ESR2: variants seen among roughly 807,000 people sequenced by gnomAD.
The protein encoded by ESR2 is estrogen receptor beta.
ESR2 carries 36 observed loss-of-function variants against 49.6 expected under a neutral mutation model. The observed-to-expected ratio is 0.73, with a 90% CI of 0.56 to 0.96. The LOEUF (loss-of-function observed/expected upper bound fraction) is 0.96, where lower values mean the gene tolerates loss of function less well. Among genes scored for constraint, ESR2 ranks in the 40% least tolerant of loss-of-function variants. ESR2 has a pLI of 0.00. For synonymous variants in ESR2, 320 were observed against 266.1 expected (o/e 1.20, Z -1.97); for missense variants, 714 against 693.0 (o/e 1.03, Z -0.34).
chr14:64,290,471 C>T (rs1429373543), intron 1 of ESR2, among the ~76,000 whole-genome samples: 8 of 152,008 alleles, frequency 5.3e-5, no homozygotes, highest in Admixed American at 3.3e-4. Flanking sequence ...GGCATGATCG[C>T]GGCTCACTGT....
At chr14:64,282,440 C>T (rs1567775036) in intron 2 of ESR2, among the ~76,000 whole-genome samples, 184 bp downstream of exon 2, 1 of 152,188 alleles carries the variant, frequency 6.6e-6, no homozygotes, top group East Asian at 1.9e-4. Context: ...GTACACATAC[C>T]AGTTTTTAAT....
intron 7 of ESR2, 135 bp downstream of exon 7, chr14:64,249,410 TA>T: frequency 2.0e-6 from 2 of 1,021,716 alleles, no homozygotes; most frequent in Non-Finnish European, 2.8e-6. Flanking sequence ...GCTATCAAAA[TA>T]AAAACGAAGT....
At chr14:64,321,379 A>G (rs2077322902) in intron 1 of ESR2, among the ~76,000 whole-genome samples, 1 of 152,164 alleles carries the variant, frequency 6.6e-6, no homozygotes, top group Admixed American at 6.6e-5. Context: ...GCATTTGCAC[A>G]ACTTTATTAA....
chr14:64,265,641 T>C (rs2076314407), intron 4 of ESR2, among the ~76,000 whole-genome samples: 1 of 152,208 alleles, frequency 6.6e-6, no homozygotes, highest in Admixed American at 6.5e-5. Flanking sequence ...GCCAAATACA[T>C]GGCTATTCAG....
At chr14:64,309,955 G>T (rs1234157821) in intron 1 of ESR2, among the ~76,000 whole-genome samples, 1 of 151,174 alleles carries the variant, frequency 6.6e-6, no homozygotes, top group East Asian at 2.0e-4. Context: ...GCATGGTGGC[G>T]GGCGCCTGTA....
chr14:64,280,152 C>G lies in ESR2; in HGVS notation c.364G>C (p.Glu122Gln), dbSNP rs751133775. Reference sequence around the variant, plus strand: ...CCACTAACCTTCCTTTTCAGTGTCTCTCTAGGGAGCAAAGAAAATATCCAT... The same window carrying G: ...CCACTAACCTTCCTTTTCAGTGTCTGTCTAGGGAGCAAAGAAAATATCCAT... ...SLEHTLPVNR[E>Q]TLKRKVSGNR... Residue 122 changes from glutamate (E) to glutamine (Q), a missense_variant and splice_region_variant, in exon 3 of 9, where the codon GAG becomes CAG. By Grantham distance (29) the Glu-to-Gln change is conservative (BLOSUM62 2). Transcript: ENST00000341099. The G allele has an allele frequency of 1.9e-6, 3 of 1,613,194 alleles. No homozygotes were observed. Among genetic ancestry groups the G allele is most frequent in the South Asian group, 2.2e-5 (2 of 91,050 alleles).
chr14:64,271,561 G>C (rs571385723), intron 3 of ESR2, among the ~76,000 whole-genome samples: 1 of 152,174 alleles, frequency 6.6e-6, no homozygotes, highest in Non-Finnish European at 1.5e-5. Flanking sequence ...CCTGAGCTCA[G>C]GCAATCTGCC....
chr14:64,237,203 G>A (rs796898687), intron 7 of ESR2, among the ~76,000 whole-genome samples: 27 of 151,972 alleles, frequency 1.8e-4, no homozygotes, highest in Middle Eastern at 3.4e-3. Context: ...CTCGCAATCC[G>A]CCTGCCTCAG....
intron 1 of ESR2, among the ~76,000 whole-genome samples, chr14:64,299,610 C>T (rs1452116757): frequency 6.6e-6 from 1 of 152,146 alleles, no homozygotes; most frequent in East Asian, 1.9e-4. Flanking sequence ...GATCCACCCG[C>T]CTCCGCCTCC....
chr14:64,317,957 C>T (rs1405432556), intron 1 of ESR2, among the ~76,000 whole-genome samples: 2 of 152,116 alleles, frequency 1.3e-5, no homozygotes, highest in Non-Finnish European at 2.9e-5. Context: ...GATATCCATG[C>T]TTATTGTTCT....
At position 64,246,734 on chromosome 14, in the gene ESR2, CAAAAAAAAAAAAAAAAAA is replaced by C. The variant is rs71123836; in HGVS notation, c.1225+2794_1225+2811del. 6.9e-4 allele frequency among the ~76,000 whole-genome samples: 25 copies of C among 36,456 alleles called. 1 individual carries two copies. The highest frequency in any genetic ancestry group is 2.9e-3 in the African/African-American group (23 of 7,864). 23.9% of individuals were successfully genotyped at this position (36,456 alleles called of 152,430 possible). On this transcript the variant is annotated intron_variant, in intron 7 of 8. Coordinates refer to ENST00000341099, the MANE Select transcript of ESR2 (RefSeq NM_001437.3). ...CCTGGCCAACACAGGAAGACTCTGTCAAAAAAAAAAAAAAAAAAAAAAAAAAAAAAAAACACACCTGGC... is the reference window on the plus strand; with the variant it reads ...CCTGGCCAACACAGGAAGACTCTGTCAAAAAAAAAAAAAAACACACCTGGC...
chr14:64,320,413 T>C (rs566546396), intron 1 of ESR2, among the ~76,000 whole-genome samples: 4 of 150,284 alleles, frequency 2.7e-5, no homozygotes, highest in South Asian at 2.1e-4. Flanking sequence ...AAAAAAAAAG[T>C]TGTGGTTGCC....
rs8003034 is a variant in ESR2, at chr14:64,240,997, T to C, written c.1226-5847A>G. 1.3e-5 allele frequency among the ~76,000 whole-genome samples: 2 copies of C among 150,954 alleles called. 1 individual carries two copies. The highest frequency in any genetic ancestry group is 4.2e-4 in the South Asian group (2 of 4,778). ...GTCTCTACTAAAAATACAAAAAAAA[T>C]TAGCCGGGCGTGATGGTGGGCGCCT... On this transcript the variant is annotated intron_variant, in intron 7 of 8. Coordinates refer to ENST00000341099, the MANE Select transcript of ESR2 (RefSeq NM_001437.3).
chr14:64,249,666 A>C lies in ESR2; in HGVS notation c.1105T>G (p.Cys369Gly). Residue 369 changes from cysteine to glycine, a missense_variant, in exon 7 of 9, where the codon TGC becomes GGC. Coordinates refer to ENST00000341099, the MANE Select transcript of ESR2 (RefSeq NM_001437.3). ...DLVLDRDEGK[C>G]VEGILEIFDM... ...AAGATTTCCAGAATTCCTTCTACGC[A>C]TTTCCCCTCATCCCTACAAAAGTTC... 1 of 1,613,318 alleles carries C rather than the reference A, an allele frequency of 6.2e-7. No homozygotes were observed. Among genetic ancestry groups the C allele is most frequent in the Non-Finnish European group, 8.5e-7 (1 of 1,179,592 alleles).
intron 3 of ESR2, among the ~76,000 whole-genome samples, chr14:64,275,530 C>A (rs2076541606): frequency 6.6e-6 from 1 of 151,946 alleles, no homozygotes; most frequent in Non-Finnish European, 1.5e-5. Flanking sequence ...TGGTGAAACC[C>A]CATCTCTACT....
chr14:64,257,537 C>T (rs2076129213), intron 5 of ESR2, 173 bp from the exon 6 acceptor site: 5 of 784,448 alleles, frequency 6.4e-6, no homozygotes, highest in Non-Finnish European at 9.9e-6. Flanking sequence ...TGAAGTTAAG[C>T]TGCGCAACTT....
chr14:64,299,399 C>CTTTTTT (rs541707521), upstream of ESR2, among the ~76,000 whole-genome samples: 2 of 125,652 alleles, frequency 1.6e-5, no homozygotes, highest in Non-Finnish European at 3.3e-5. Flanking sequence ...ACAGAAATAG[C>CTTTTTT]TTTTTTTTTT....
downstream of ESR2, chr14:64,228,033 G>A (rs745928753): frequency 1.0e-5 from 15 of 1,480,338 alleles, no homozygotes; most frequent in Non-Finnish European, 1.1e-5. Context: ...CATTTTACTT[G>A]TATACACAGG....
chr14:64,328,463 C>T (rs944580233), intron 1 of ESR2, among the ~76,000 whole-genome samples: 5 of 152,052 alleles, frequency 3.3e-5, no homozygotes, highest in Admixed American at 6.6e-5. Context: ...TTCAGTAATT[C>T]CAATAGTCCC....
Sources: gnomAD v4.1 joint callset for allele counts (sites outside exome capture counted in the v4.1 genomes callset) on GRCh38, gnomAD v4.1.1 for gene constraint, MANE v1.5 for transcripts, NCBI Gene and HGNC (gene_info 2026-07-23, HGNC 2026-07-21) for gene names.